FAM178B: variants seen among roughly 807,000 people sequenced by gnomAD.
The protein encoded by FAM178B is protein FAM178B.
Under a neutral mutation model 91.7 loss-of-function variants are expected in FAM178B, and 82 were observed. That is an observed-to-expected ratio of 0.89 (90% confidence interval 0.75 to 1.07). FAM178B has a LOEUF of 1.07. Ranked by LOEUF, FAM178B falls within the 50% of genes least tolerant of loss-of-function variation. The pLI is 0.00. For synonymous variants in FAM178B, 368 were observed against 359.4 expected (o/e 1.02, Z -0.27); for missense variants, 769 against 846.7 (o/e 0.91, Z 1.14).
chr2:96,892,897 G>A (rs936944776), intron 14 of FAM178B, among the ~76,000 whole-genome samples: 1 of 152,190 alleles, frequency 6.6e-6, no homozygotes, highest in Admixed American at 6.5e-5. Context: ...CACAAGAGAA[G>A]GGGCATGCAG....
intron 8 of FAM178B, among the ~76,000 whole-genome samples, chr2:96,942,694 C>G (rs558789728): frequency 6.6e-6 from 1 of 152,234 alleles, no homozygotes; most frequent in African/African-American, 2.4e-5. Flanking sequence ...TGAGCCTGGC[C>G]AACAAATTTT....
chr2:96,967,682 C>A, intron 4 of FAM178B, 55 bp from the exon 5 acceptor site: 4 of 1,247,214 alleles, frequency 3.2e-6, no homozygotes, highest in Non-Finnish European at 4.5e-6. Context: ...CATCGTGCAA[C>A]CCTGTCACTG....
chr2:96,948,086 A>T lies in FAM178B; in HGVS notation c.994-184T>A, dbSNP rs113100067. On this transcript the variant is annotated intron_variant, in intron 7 of 16. Coordinates refer to ENST00000490605, the MANE Select transcript of FAM178B (RefSeq NM_001122646.3). Reference sequence around the variant, plus strand: ...ATGGAAAACCAAGCTCAGAGAAGTCAAACAACTTTGCCAGAGTCACACAGC... The same window carrying T: ...ATGGAAAACCAAGCTCAGAGAAGTCTAACAACTTTGCCAGAGTCACACAGC... 1.5e-3 allele frequency among the ~76,000 whole-genome samples: 236 copies of T among 152,358 alleles called. 1 individual carries two copies. The Middle Eastern group carries it at 0.02, about 13-fold the overall frequency.
chr2:96,915,112 ATT>A (rs570515612), intron 12 of FAM178B, among the ~76,000 whole-genome samples: 3 of 143,014 alleles, frequency 2.1e-5, no homozygotes, highest in African/African-American at 5.1e-5. Flanking sequence ...CTATAACCAA[ATT>A]TTTTTTTTTT....
At position 96,877,929 on chromosome 2, in the gene FAM178B, G is replaced by A. The variant is rs763509987; in HGVS notation, c.1968C>T (p.Tyr656=). The change falls in exon 16 of 17, where the codon TAC becomes TAT. Residue 656 remains tyrosine (Y), a synonymous_variant. Transcript: ENST00000490605. ...GGGTCAGCAGCTCCTGCCAACGGATGTAGGTCTGGGTAGCCAGGTCCTTGA... is the reference window on the plus strand; with the variant it reads ...GGGTCAGCAGCTCCTGCCAACGGATATAGGTCTGGGTAGCCAGGTCCTTGA... ...TMLKDLATQT[Y]IRWQELLTHC... 3 of 1,613,674 alleles carry A rather than the reference G, an allele frequency of 1.9e-6. No homozygotes were observed. Among genetic ancestry groups the A allele is most frequent in the East Asian group, 2.2e-5 (1 of 44,900 alleles).
At chr2:96,946,150 G>A (rs957955964) in intron 8 of FAM178B, among the ~76,000 whole-genome samples, 3 of 152,112 alleles carry the variant, frequency 2.0e-5, no homozygotes, top group Admixed American at 2.0e-4. Flanking sequence ...ATTTCACTCA[G>A]CGTAATGTTT....
chr2:96,924,012 G>C (rs186588914), intron 9 of FAM178B, among the ~76,000 whole-genome samples: 5 of 152,354 alleles, frequency 3.3e-5, no homozygotes, highest in African/African-American at 9.6e-5. Context: ...AACCTCGAAA[G>C]TGACATCCCA....
At position 96,908,754 on chromosome 2, in the gene FAM178B, A is replaced by G. The variant is rs145499908; in HGVS notation, c.1563-6047T>C. ...ATGGGTCCTTCCATTCACACGTATT[A>G]TAAGTAAATTAAAAGGTACACATGA... is the stretch of plus-strand genomic sequence containing the variant. On this transcript the variant is annotated intron_variant, in intron 12 of 16. Coordinates refer to ENST00000490605, the MANE Select transcript of FAM178B (RefSeq NM_001122646.3). 6.6e-5 allele frequency among the ~76,000 whole-genome samples: 10 copies of G among 152,082 alleles called. No individual in the cohort carries two copies. In the East Asian group the frequency reaches 7.7e-4, roughly 12 times the overall value.
intron 8 of FAM178B, among the ~76,000 whole-genome samples, chr2:96,940,511 A>T (rs1314174030): frequency 6.6e-6 from 1 of 152,154 alleles, no homozygotes; most frequent in Non-Finnish European, 1.5e-5. Context: ...TAAATTTCAA[A>T]ATAATTATTC....
Position 96,971,934 on chromosome 2 carries a change from C to A in FAM178B, c.531G>T (p.Thr177=). 2.6e-6 allele frequency: 4 copies of A among 1,531,922 alleles called. No homozygotes were observed. The highest frequency in any genetic ancestry group is 2.6e-6 in the Non-Finnish European group (3 of 1,138,306). The allele number at this position is 1,531,922 out of a possible 1,614,324, so 94.9% of individuals were successfully genotyped here. A position where few individuals can be genotyped will look rare whatever the true frequency, so the allele number is the denominator to read the frequency against. ...CCGCAGCCTGCTGGCTCAGGCCTGA[C>A]GTGTTCCAGAACAGCTTCTCTGGCA... ...LALPEKLFWN[T]SGLSQQAAAP... The change falls in exon 3 of 17, where the codon ACG becomes ACT. Residue 177 remains threonine (T), a synonymous_variant. Coordinates refer to ENST00000490605, the MANE Select transcript of FAM178B (RefSeq NM_001122646.3).
rs186722067 is a variant in FAM178B at position 96,909,111 on chromosome 2, C to G, written c.1563-6404G>C. Among the ~76,000 whole-genome samples, 445 of 149,572 alleles carry G rather than the reference C, an allele frequency of 3.0e-3. 6 individuals are homozygous for G. The highest frequency in any genetic ancestry group is 3.4e-3 in the Admixed American group (51 of 14,982). ...TGAGCCGACATCACGCCACCGCCCTCCAGCCTGGGCGACAGATCAAGACTC... is the reference window on the plus strand; with the variant it reads ...TGAGCCGACATCACGCCACCGCCCTGCAGCCTGGGCGACAGATCAAGACTC... On this transcript the variant is annotated intron_variant, in intron 12 of 16. Transcript: ENST00000490605.
chr2:96,907,199 T>C (rs1468063599), intron 12 of FAM178B, among the ~76,000 whole-genome samples: 1 of 152,128 alleles, frequency 6.6e-6, no homozygotes, highest in Non-Finnish European at 1.5e-5. Flanking sequence ...CCTCCCCGCC[T>C]TTTAAACCCC....
Position 96,929,455 on chromosome 2 carries a change from T to C in FAM178B, c.1079-135A>G, listed in dbSNP as rs1447833539. ...GCCTTCTCTGACACCACAGGTGTTA[T>C]CTGGGGAAATGAAGCAACTGGTGGT... is the stretch of plus-strand genomic sequence containing the variant. On this transcript the variant is annotated intron_variant, in intron 8 of 16. Coordinates refer to ENST00000490605, the MANE Select transcript of FAM178B (RefSeq NM_001122646.3). 4.5e-6 allele frequency: 3 copies of C among 659,540 alleles called. No individual in the cohort carries two copies. In the East Asian group the frequency reaches 8.5e-5, roughly 19 times the overall value. The allele number at this position is 659,540 out of a possible 1,614,324, so 40.9% of individuals were successfully genotyped here.
chr2:96,985,398 G>A (rs57415281), intron 1 of FAM178B, among the ~76,000 whole-genome samples: 1,560 of 152,206 alleles, frequency 0.01, 30 homozygotes, highest in African/African-American at 0.036. Flanking sequence ...CTGGGCTCTT[G>A]TCTCCCCGAA....
rs368654912 is a variant in FAM178B, at chr2:96,967,765, G to A, written c.627-138C>T. ...TCCTGGCTGGTCTCCTTGTGAAGCC[G>A]CTCACACAGATTTTTAAGGCAATGG... On this transcript the variant is annotated intron_variant, in intron 4 of 16. Coordinates refer to ENST00000490605, the MANE Select transcript of FAM178B (RefSeq NM_001122646.3). The A allele has an allele frequency of 2.5e-3, 1,517 of 614,906 alleles. 11 individuals carry two copies. The highest frequency in any genetic ancestry group is 2.5e-3 in the Non-Finnish European group (884 of 347,172). 38.1% of individuals were successfully genotyped at this position (614,906 alleles called of 1,614,324 possible).
intron 1 of FAM178B, among the ~76,000 whole-genome samples, chr2:96,977,194 C>CAAAAAAAAAAAAAA (rs70964891): frequency 1.0e-4 from 4 of 38,498 alleles, no homozygotes; most frequent in Admixed American, 7.2e-4. Flanking sequence ...GACTCTGTCT[C>CAAAAAAAAAAAAAA]AAAAAAAAAA....
chr2:96,883,974 G>T (rs1405734442), intron 14 of FAM178B, among the ~76,000 whole-genome samples: 1 of 152,234 alleles, frequency 6.6e-6, no homozygotes, highest in Non-Finnish European at 1.5e-5. Context: ...AGAGGTGTAA[G>T]CACACGGACT....
At chr2:96,960,062 G>T (rs2082058048) in intron 6 of FAM178B, among the ~76,000 whole-genome samples, 1 of 152,212 alleles carries the variant, frequency 6.6e-6, no homozygotes, top group Non-Finnish European at 1.5e-5. Flanking sequence ...TGCACAACTG[G>T]CTATCTGCTA....
Position 96,970,717 on chromosome 2 carries a change from T to C in FAM178B, c.625A>G (p.Arg209Gly), listed in dbSNP as rs537451062. The C allele has an allele frequency of 1.3e-6, 2 of 1,551,014 alleles. No individual in the cohort carries two copies. Among genetic ancestry groups the C allele is most frequent in the African/African-American group, 1.4e-5 (1 of 73,056 alleles). Residue 209 changes from arginine (R) to glycine (G), a missense_variant and splice_region_variant, in exon 4 of 17, where the codon AGG (arginine) becomes GGG (glycine). Coordinates refer to ENST00000490605, the MANE Select transcript of FAM178B (RefSeq NM_001122646.3). Reference sequence around the variant, plus strand: ...TGACAGGCCACGCCCTGTGCTCACCTCTTCTCCTGCAGTAAGTAGTCCAGG... The same window carrying C: ...TGACAGGCCACGCCCTGTGCTCACCCCTTCTCCTGCAGTAAGTAGTCCAGG... Reference protein sequence around the residue: ...NNLDYLLQEKREQALEQERER... With the variant: ...NNLDYLLQEKGEQALEQERER...
Sources: allele counts gnomAD v4.1 joint callset (sites outside exome capture counted in the v4.1 genomes callset), GRCh38; gene constraint gnomAD v4.1.1; transcripts MANE v1.5; gene names NCBI Gene and HGNC (gene_info 2026-07-23, HGNC 2026-07-21).